The following EDIL3 variants were observed in gnomAD, a reference collection of about 807,000 sequenced individuals.
EDIL3 encodes the protein EGF-like repeat and discoidin I-like domain-containing protein 3.
A neutral mutation model predicts 67.4 loss-of-function variants in EDIL3; 37 were observed. The ratio of observed to expected loss-of-function variants is 0.55; its 90% CI spans 0.42 to 0.72. The LOEUF (loss-of-function observed/expected upper bound fraction) is 0.72. Among genes scored for constraint, EDIL3 ranks in the 30% least tolerant of loss-of-function variants. The probability of loss-of-function intolerance (pLI) is 0.00; values close to 1 mark genes in which losing one functional copy is unlikely to be tolerated. For missense variants in EDIL3, 527 were observed against 586.3 expected, an observed-to-expected ratio of 0.90 and a Z score of 1.04; for synonymous variants, 195 against 196.3, an observed-to-expected ratio of 0.99 and a Z score of 0.05.
In EDIL3 at chr5:84,142,824, C is replaced by G. The variant is rs957981968; in HGVS notation, c.356-5470G>C. 5.7e-4 allele frequency among the ~76,000 whole-genome samples: 83 copies of G among 145,460 alleles called. 2 individuals are homozygous for G. The highest frequency in any genetic ancestry group is 5.6e-4 in the Non-Finnish European group (37 of 65,940). On this transcript the variant is annotated intron_variant, in intron 4 of 10. Coordinates refer to ENST00000296591, the MANE Select transcript of EDIL3 (RefSeq NM_005711.5). ...AGGAGACAATGATAGACGGTGCCCC[C>G]CCCCCCAAGCTTTTTTTTCTTTTGC...
intron 1 of EDIL3, among the ~76,000 whole-genome samples, chr5:84,357,368 A>G (rs922414161): frequency 5.3e-5 from 8 of 152,122 alleles, no homozygotes; most frequent in Non-Finnish European, 8.8e-5. Context: ...AACCTCTCAA[A>G]TTCTGTTAAA....
intron 1 of EDIL3, among the ~76,000 whole-genome samples, chr5:84,312,138 G>C (rs1402148763): frequency 2.0e-5 from 3 of 151,804 alleles, no homozygotes; most frequent in African/African-American, 7.2e-5. Flanking sequence ...AGGGGCGGCC[G>C]GGCAGAGGCG....
At chr5:84,314,923 T>G (rs2112147949) in intron 1 of EDIL3, among the ~76,000 whole-genome samples, 1 of 152,244 alleles carries the variant, frequency 6.6e-6, no homozygotes, top group African/African-American at 2.4e-5. Flanking sequence ...TTTTTGAATT[T>G]TATTATTTTT....
chr5:84,247,380 C>T (rs1229927188), intron 2 of EDIL3, among the ~76,000 whole-genome samples: 1 of 152,100 alleles, frequency 6.6e-6, no homozygotes, highest in East Asian at 1.9e-4. Context: ...TTCATGAACA[C>T]TAACAAGAAG....
chr5:84,291,090 TG>T (rs1561247194), intron 1 of EDIL3, among the ~76,000 whole-genome samples: 1 of 152,178 alleles, frequency 6.6e-6, no homozygotes, highest in African/African-American at 2.4e-5. Context: ...TGCAAGGTAG[TG>T]CCTGCCCAAC....
At chr5:84,124,218 G>A (rs1017111163) in intron 5 of EDIL3, among the ~76,000 whole-genome samples, 7 of 151,864 alleles carry the variant, frequency 4.6e-5, no homozygotes, top group South Asian at 2.1e-4. Flanking sequence ...ATTTTAGATC[G>A]GAAAAGGGAT....
chr5:84,074,294 A>G (rs1307518699), intron 6 of EDIL3, among the ~76,000 whole-genome samples: 1 of 150,762 alleles, frequency 6.6e-6, no homozygotes, highest in East Asian at 2.0e-4. Context: ...ATGGGCAAGG[A>G]CTTCATGTCT....
intron 1 of EDIL3, among the ~76,000 whole-genome samples, chr5:84,384,028 G>A (rs1474731946): frequency 6.6e-6 from 1 of 152,124 alleles, no homozygotes; most frequent in Non-Finnish European, 1.5e-5. Flanking sequence ...CAGAGTCGCT[G>A]GTCCTGGGGA....
chr5:84,061,552 A>G (rs1478998052), intron 8 of EDIL3, among the ~76,000 whole-genome samples: 1 of 152,118 alleles, frequency 6.6e-6, no homozygotes, highest in East Asian at 1.9e-4. Flanking sequence ...CCTCCAACCC[A>G]ATACTTTCTC....
intron 10 of EDIL3, among the ~76,000 whole-genome samples, chr5:83,951,480 C>G (rs181347843): frequency 1.1e-4 from 17 of 151,304 alleles, no homozygotes; most frequent in Middle Eastern, 3.4e-3. Context: ...TTGCACTCTA[C>G]TGCTCCTTCT....
rs565467876 is a variant in EDIL3 at position 84,070,460 on chromosome 5, T to A, written c.652-3854A>T. Among the ~76,000 whole-genome samples the A allele has an allele frequency of 1.3e-4, 20 of 152,212 alleles. No individual in the cohort carries two copies. In the East Asian group the frequency reaches 3.1e-3, roughly 24 times the overall value. On this transcript the variant is annotated intron_variant, in intron 6 of 10. Coordinates refer to ENST00000296591, the MANE Select transcript of EDIL3 (RefSeq NM_005711.5). Reference sequence around the variant, plus strand: ...CTAAGGGTTTTGCACAGTGAGACACTGAAGAAGGGAGCCACATCCCATCAC... The same window carrying A: ...CTAAGGGTTTTGCACAGTGAGACACAGAAGAAGGGAGCCACATCCCATCAC...
intron 1 of EDIL3, among the ~76,000 whole-genome samples, chr5:84,282,024 A>C (rs1745714193): frequency 6.8e-6 from 1 of 147,110 alleles, no homozygotes. Flanking sequence ...CGGCCACTAC[A>C]CCCAGCTAAT....
At chr5:84,214,451 AT>A (rs1744187329) in intron 3 of EDIL3, among the ~76,000 whole-genome samples, 1 of 152,112 alleles carries the variant, frequency 6.6e-6, no homozygotes, top group Non-Finnish European at 1.5e-5. Context: ...ACAGAATACA[AT>A]GTAAACAGTT....
chr5:84,094,843 GT>G (rs1371233191), intron 6 of EDIL3, among the ~76,000 whole-genome samples: 1 of 152,090 alleles, frequency 6.6e-6, no homozygotes, highest in Non-Finnish European at 1.5e-5. Flanking sequence ...AATATATTAA[GT>G]TTTATAACAA....
intron 1 of EDIL3, among the ~76,000 whole-genome samples, chr5:84,345,973 C>T (rs1312233580): frequency 6.6e-6 from 1 of 152,056 alleles, no homozygotes; most frequent in Non-Finnish European, 1.5e-5. Flanking sequence ...AAGAAAACTG[C>T]TTACCGGCAC....
chr5:84,230,777 G>A (rs1217037628), intron 2 of EDIL3, among the ~76,000 whole-genome samples: 1 of 151,628 alleles, frequency 6.6e-6, no homozygotes, highest in Non-Finnish European at 1.5e-5. Flanking sequence ...GTGTGTGTGT[G>A]TGTGTGTGTG....
At chr5:84,157,949 A>G (rs1277344539) in intron 4 of EDIL3, among the ~76,000 whole-genome samples, 1 of 152,110 alleles carries the variant, frequency 6.6e-6, no homozygotes, top group African/African-American at 2.4e-5. Flanking sequence ...TTTTTCTGAA[A>G]TTTTCTAGAC....
intron 1 of EDIL3, among the ~76,000 whole-genome samples, chr5:84,326,350 A>G (rs1366261267): frequency 1.3e-5 from 2 of 152,102 alleles, no homozygotes. Flanking sequence ...TGATAGAGAC[A>G]GAAAGTAGAA....
In EDIL3 at chr5:84,153,628, A is replaced by G. The variant is rs901191514; in HGVS notation, c.356-16274T>C. Among the ~76,000 whole-genome samples, 4 of 151,914 alleles carry G rather than the reference A, an allele frequency of 2.6e-5. No homozygotes were observed. In the East Asian group the frequency reaches 7.8e-4, roughly 29 times the overall value. The stretch of plus-strand genomic sequence containing the variant: ...CAGGCATCTGCCACCATGCCCAGCT[A>G]ATTTTTGTATTTTTAGTAGAGATGG... On this transcript the variant is annotated intron_variant, in intron 4 of 10. Coordinates refer to ENST00000296591, the MANE Select transcript of EDIL3 (RefSeq NM_005711.5).
Sources: allele counts gnomAD v4.1 joint callset (sites outside exome capture counted in the v4.1 genomes callset), GRCh38; gene constraint gnomAD v4.1.1; transcripts MANE v1.5; gene names NCBI Gene and HGNC (gene_info 2026-07-23, HGNC 2026-07-21).